LRRFIP2: variants seen among roughly 807,000 people sequenced by gnomAD.
LRRFIP2 encodes leucine-rich repeat flightless-interacting protein 2.
Under a neutral mutation model 125.9 loss-of-function variants are expected in LRRFIP2, and 109 were observed. That is an observed-to-expected ratio of 0.87 (90% confidence interval 0.74 to 1.01). LRRFIP2 has a LOEUF of 1.01. LRRFIP2 is among the 50% of genes least tolerant of loss of function. LRRFIP2 has a pLI of 0.00. For synonymous variants in LRRFIP2, 291 were observed against 293.1 expected, an observed-to-expected ratio of 0.99 and a Z score of 0.07; for missense variants, 850 against 862.3, an observed-to-expected ratio of 0.99 and a Z score of 0.18.
intron 17 of LRRFIP2, among the ~76,000 whole-genome samples, chr3:37,093,751 T>C (rs1325020422): frequency 6.6e-6 from 1 of 152,196 alleles, no homozygotes; most frequent in African/African-American, 2.4e-5. Context: ...GCATACAAGA[T>C]GCTTTGTGAT....
chr3:37,105,661 C>T, intron 13 of LRRFIP2, 138 bp from the exon 14 acceptor site: 2 of 550,298 alleles, frequency 3.6e-6, no homozygotes, highest in Non-Finnish European at 6.5e-6. Context: ...ATAGTGGGCA[C>T]CTTATATATT....
intron 1 of LRRFIP2, among the ~76,000 whole-genome samples, chr3:37,157,937 T>C (rs1448201696): frequency 6.6e-6 from 1 of 152,246 alleles, no homozygotes; most frequent in Admixed American, 6.5e-5. Context: ...TAAAGTATCA[T>C]ATTTTGACTA....
intron 15 of LRRFIP2, among the ~76,000 whole-genome samples, chr3:37,099,586 G>A (rs1559834517): frequency 6.6e-6 from 1 of 152,042 alleles, no homozygotes; most frequent in African/African-American, 2.4e-5. Flanking sequence ...ACCACAGAAG[G>A]GAAGACATCA....
chr3:37,099,278 T>TA (rs1474547711), intron 15 of LRRFIP2, among the ~76,000 whole-genome samples: 1 of 152,216 alleles, frequency 6.6e-6, no homozygotes, highest in Non-Finnish European at 1.5e-5. Context: ...CTTGGTATTC[T>TA]AAAAGCCCAA....
At chr3:37,167,366 C>T (rs1349172355) in intron 1 of LRRFIP2, among the ~76,000 whole-genome samples, 1 of 151,846 alleles carries the variant, frequency 6.6e-6, no homozygotes, top group Non-Finnish European at 1.5e-5. Flanking sequence ...CAGGGCCAGG[C>T]ACAAGCAGGC....
intron 23 of LRRFIP2, chr3:37,064,196 A>G (rs1207567549): frequency 5.8e-6 from 1 of 171,860 alleles, no homozygotes; most frequent in Non-Finnish European, 1.2e-5. Context: ...TAAGAGCAGG[A>G]CTGGGCAAAG....
chr3:37,107,333 A>T (rs1329423525), intron 13 of LRRFIP2, among the ~76,000 whole-genome samples: 1 of 152,220 alleles, frequency 6.6e-6, no homozygotes, highest in Non-Finnish European at 1.5e-5. Context: ...CTTGTTTAAA[A>T]TTTTTATCAA....
Position 37,055,115 on chromosome 3 carries a change from C to G in LRRFIP2, c.1921G>C (p.Glu641Gln). 6.3e-7 allele frequency: 1 copy of G among 1,596,922 alleles called. No homozygotes were observed. Among genetic ancestry groups the G allele is most frequent in the African/African-American group, 1.4e-5 (1 of 73,706 alleles). Residue 641 changes from glutamate to glutamine, a missense_variant, in exon 26 of 28, where the codon GAA becomes CAA. Physicochemically the swap from Glu to Gln is conservative, Grantham distance 29. Coordinates refer to ENST00000336686, the MANE Select transcript of LRRFIP2 (RefSeq NM_006309.4). ...TGCTCCAAGGTAGTTATATCCTGTTCTGCTTTTGAAAGCTTAAATTTGTAT... is the reference window on the plus strand; with the variant it reads ...TGCTCCAAGGTAGTTATATCCTGTTGTGCTTTTGAAAGCTTAAATTTGTAT... Reference protein sequence around the residue: ...SEYKFKLSKAEQDITTLEQSI... With the variant: ...SEYKFKLSKAQQDITTLEQSI...
In LRRFIP2 at chr3:37,085,135, A is replaced by G. The variant is rs115180367; in HGVS notation, c.1108-1329T>C. On this transcript the variant is annotated intron_variant, in intron 18 of 27. Coordinates refer to ENST00000336686, the MANE Select transcript of LRRFIP2 (RefSeq NM_006309.4). ...GCCATAGATGTAAATGTAAGAGCTA[A>G]AACAATAAAACGCTTCAAAGAAAAT... Among the ~76,000 whole-genome samples the G allele has an allele frequency of 6.3e-3, 953 of 152,314 alleles. 7 individuals are homozygous for G. The highest frequency in any genetic ancestry group is 0.021 in the African/African-American group (877 of 41,560).
intron 1 of LRRFIP2, among the ~76,000 whole-genome samples, chr3:37,172,124 T>C (rs1463057183): frequency 6.6e-6 from 1 of 152,172 alleles, no homozygotes; most frequent in African/African-American, 2.4e-5. Context: ...GGGATTGAAA[T>C]AGTTTTAACT....
At chr3:37,118,107 G>A (rs368610825) in intron 6 of LRRFIP2, among the ~76,000 whole-genome samples, 25 of 152,184 alleles carry the variant, frequency 1.6e-4, no homozygotes, top group African/African-American at 5.3e-4. Flanking sequence ...CTTTTTCTTC[G>A]TTTTTATGCT....
chr3:37,117,664 T>A (rs2094851058), intron 6 of LRRFIP2, among the ~76,000 whole-genome samples: 1 of 152,146 alleles, frequency 6.6e-6, no homozygotes, highest in Non-Finnish European at 1.5e-5. Context: ...ACTGTCAAAC[T>A]TGCCTGAAAG....
chr3:37,121,457 A>T, intron 6 of LRRFIP2, 35 bp downstream of exon 6: 1 of 1,597,916 alleles, frequency 6.3e-7, no homozygotes. Context: ...CTCACACGTA[A>T]GCTTTGTATT....
At position 37,146,675 on chromosome 3, in the gene LRRFIP2, G is replaced by A. The variant is rs111919914; in HGVS notation, c.90+2219C>T. On this transcript the variant is annotated intron_variant, in intron 2 of 27. Transcript: ENST00000336686. ...CCTTTTTATGGCTGCACAATATTCC[G>A]TGGTGTATATGTACCACATTTTCTT... Among the ~76,000 whole-genome samples the A allele has an allele frequency of 3.6e-3, 549 of 152,192 alleles. 4 individuals are homozygous for A. Among genetic ancestry groups the A allele is most frequent in the African/African-American group, 0.013 (535 of 41,512 alleles).
At position 37,054,406 on chromosome 3, in the gene LRRFIP2, A is replaced by G. The variant is rs1262679389; in HGVS notation, c.2055+5T>C. 6.2e-7 allele frequency: 1 copy of G among 1,602,184 alleles called. No individual in the cohort carries two copies. The highest frequency in any genetic ancestry group is 1.1e-5 in the South Asian group (1 of 90,530). On this transcript the variant is annotated splice_donor_5th_base_variant and intron_variant, in intron 27 of 27. Coordinates refer to ENST00000336686, the MANE Select transcript of LRRFIP2 (RefSeq NM_006309.4). Reference sequence around the variant, plus strand: ...ATTCTCCAAGAAACATATTAAAAGAAGTACCTCTCGTTGTAGCTTCCGTTT... The same window carrying G: ...ATTCTCCAAGAAACATATTAAAAGAGGTACCTCTCGTTGTAGCTTCCGTTT...
At chr3:37,148,096 A>G (rs2095904822) in intron 2 of LRRFIP2, among the ~76,000 whole-genome samples, 2 of 152,212 alleles carry the variant, frequency 1.3e-5, no homozygotes, top group African/African-American at 4.8e-5. Flanking sequence ...TGCATAGCCC[A>G]ATGAGTATTT....
intron 1 of LRRFIP2, among the ~76,000 whole-genome samples, chr3:37,173,890 G>A (rs549412797): frequency 7.9e-5 from 12 of 152,220 alleles, no homozygotes; most frequent in African/African-American, 2.6e-4. Context: ...TTTTCCTTTC[G>A]TTAACGGAGA....
At chr3:37,087,866 A>T (rs1267151428) in intron 18 of LRRFIP2, among the ~76,000 whole-genome samples, 16 of 152,180 alleles carry the variant, frequency 1.1e-4, no homozygotes, top group Admixed American at 1.0e-3. Context: ...CTGTGATTAT[A>T]GGCGTAAGCC....
intron 17 of LRRFIP2, among the ~76,000 whole-genome samples, chr3:37,093,415 C>T (rs772054079): frequency 1.3e-5 from 2 of 152,150 alleles, no homozygotes; most frequent in African/African-American, 2.4e-5. Flanking sequence ...ACTGGTTCAA[C>T]CCAACCAAAG....
Sources: allele counts gnomAD v4.1 joint callset (sites outside exome capture counted in the v4.1 genomes callset), GRCh38; gene constraint gnomAD v4.1.1; transcripts MANE v1.5; gene names NCBI Gene and HGNC (gene_info 2026-07-23, HGNC 2026-07-21).